The following MMP15 variants were observed in gnomAD, a reference collection of about 807,000 sequenced individuals.
MMP15 encodes the protein matrix metalloproteinase-15.
Under a neutral mutation model 65.0 loss-of-function variants are expected in MMP15, and 36 were observed. The ratio of observed to expected loss-of-function variants is 0.55; its 90% CI spans 0.42 to 0.73. The LOEUF (loss-of-function observed/expected upper bound fraction) is 0.73. Ranked by LOEUF, MMP15 falls within the 30% of genes least tolerant of loss-of-function variation. The pLI is 0.00. For missense variants in MMP15, 870 were observed against 987.8 expected (o/e 0.88, Z 1.60); for synonymous variants, 428 against 410.2 (o/e 1.04, Z -0.52).
At chr16:58,037,367 A>T (rs1959351287) in intron 1 of MMP15, 105 bp from the exon 2 acceptor site, 1 of 1,438,598 alleles carries the variant, frequency 7.0e-7, no homozygotes, top group Non-Finnish European at 9.5e-7. Context: ...GACGGCTCAG[A>T]TAGAGCAGCG....
chr16:58,037,402 C>G, intron 1 of MMP15, 70 bp from the exon 2 acceptor site: 10 of 1,562,328 alleles, frequency 6.4e-6, no homozygotes, highest in South Asian at 4.8e-5. Flanking sequence ...GGGAAGTGGT[C>G]GGCACAGGCT....
intron 7 of MMP15, among the ~76,000 whole-genome samples, chr16:58,042,601 G>A (rs1959479225): frequency 6.6e-6 from 1 of 152,216 alleles, no homozygotes; most frequent in Non-Finnish European, 1.5e-5. Flanking sequence ...ACCTTGTGCA[G>A]CACAGGGCTC....
At chr16:58,044,915 GT>G in intron 9 of MMP15, 91 bp from the exon 10 acceptor site, 1 of 1,397,282 alleles carries the variant, frequency 7.2e-7, no homozygotes, top group South Asian at 1.2e-5. Flanking sequence ...GAAGAAGGGT[GT>G]TTTGAAGCCC....
chr16:58,030,440 T>C (rs41407944), intron 1 of MMP15, among the ~76,000 whole-genome samples: 264 of 152,314 alleles, frequency 1.7e-3, no homozygotes, highest in Non-Finnish European at 2.8e-3. Flanking sequence ...GGGATGCCTC[T>C]TCCCTAATCC....
chr16:58,039,725 A>C (rs1959408495), intron 3 of MMP15, 150 bp from the exon 4 acceptor site: 2 of 729,048 alleles, frequency 2.7e-6, no homozygotes, highest in East Asian at 5.5e-5. Context: ...TGGATTTGAC[A>C]AATTCAAATT....
chr16:58,035,496 CTG>C (rs1167657725), intron 1 of MMP15, among the ~76,000 whole-genome samples: 1 of 152,256 alleles, frequency 6.6e-6, no homozygotes, highest in Non-Finnish European at 1.5e-5. Flanking sequence ...CCTCTGGTCT[CTG>C]TCATTTGCAC....
At chr16:58,038,757 G>T (rs1959387146) in intron 3 of MMP15, among the ~76,000 whole-genome samples, 1 of 152,158 alleles carries the variant, frequency 6.6e-6, no homozygotes, top group Non-Finnish European at 1.5e-5. Flanking sequence ...TGGATCAGGG[G>T]CCCTCATCCT....
chr16:58,041,162 G>A (rs1027564406), intron 5 of MMP15, among the ~76,000 whole-genome samples: 25 of 152,188 alleles, frequency 1.6e-4, no homozygotes, highest in African/African-American at 5.8e-4. Flanking sequence ...CCAGCAGTGA[G>A]GTCCCCTGGG....
At position 58,041,635 on chromosome 16, in the gene MMP15, C is replaced by A; in HGVS notation, c.929C>A (p.Pro310Gln). 1 of 1,575,066 alleles carries A rather than the reference C, an allele frequency of 6.3e-7. No individual in the cohort carries two copies. The highest frequency in any genetic ancestry group is 8.6e-7 in the Non-Finnish European group (1 of 1,161,718). ...TCTGCAGGTACCCCAGACGGTCAGC[C>A]ACAGCCTACCCAGCCTCTCCCCACT... ...QQLYGTPDGQ[P>Q]QPTQPLPTVT... The change falls in exon 6 of 10, where the codon CCA becomes CAA. Residue 310 changes from proline (P) to glutamine (Q), a missense_variant. Coordinates refer to ENST00000219271, the MANE Select transcript of MMP15 (RefSeq NM_002428.4).
At chr16:58,035,841 T>C (rs1297173065) in intron 1 of MMP15, among the ~76,000 whole-genome samples, 1 of 152,126 alleles carries the variant, frequency 6.6e-6, no homozygotes, top group East Asian at 1.9e-4. Context: ...TGCCCCTCCT[T>C]GGGTCAGCAG....
chr16:58,037,440 G>A, intron 1 of MMP15, 32 bp from the exon 2 acceptor site: 4 of 1,609,018 alleles, frequency 2.5e-6, no homozygotes, highest in Admixed American at 1.7e-5. Flanking sequence ...GCAGTGCCAG[G>A]ACCTGCTGAC....
intron 5 of MMP15, 72 bp from the exon 6 acceptor site, chr16:58,041,545 G>GC: frequency 6.6e-7 from 1 of 1,526,578 alleles, no homozygotes; most frequent in Admixed American, 2.0e-5. Context: ...GTGGGCCTGT[G>GC]CTGGGGGCCC....
At chr16:58,038,643 G>A (rs1959384932) in intron 3 of MMP15, among the ~76,000 whole-genome samples, 1 of 152,196 alleles carries the variant, frequency 6.6e-6, no homozygotes, top group Non-Finnish European at 1.5e-5. Context: ...GCACAGCTGG[G>A]CTACTGCCCC....
intron 1 of MMP15, among the ~76,000 whole-genome samples, chr16:58,029,012 C>T (rs558017026): frequency 1.3e-5 from 2 of 152,350 alleles, no homozygotes; most frequent in African/African-American, 2.4e-5. Context: ...CCTGCCTCCC[C>T]CTACCCCCTC....
intron 1 of MMP15, among the ~76,000 whole-genome samples, chr16:58,037,260 C>G (rs1597064192): frequency 6.6e-6 from 1 of 152,296 alleles, no homozygotes; most frequent in East Asian, 1.9e-4. Context: ...AGAGGATTGA[C>G]CAGACCTGAC....
In MMP15 at chr16:58,043,310, G is replaced by A. The variant is rs756880631; in HGVS notation, c.1404G>A (p.Thr468=). Reference sequence around the variant, plus strand: ...GCATCCCCTATGACCGCATTGACACGGCCATCTGGTGGGAGCCCACAGGCC... The same window carrying A: ...GCATCCCCTATGACCGCATTGACACAGCCATCTGGTGGGAGCCCACAGGCC... The part of the protein sequence containing the change: ...GLGIPYDRID[T]AIWWEPTGHT... The change falls in exon 8 of 10, where the codon ACG becomes ACA. Residue 468 remains threonine, a synonymous_variant. Transcript: ENST00000219271. 3.7e-5 allele frequency: 60 copies of A among 1,605,510 alleles called. No individual in the cohort carries two copies. The Admixed American group carries it at 7.3e-4, about 19-fold the overall frequency.
chr16:58,039,261 C>A (rs578009312), intron 3 of MMP15, among the ~76,000 whole-genome samples: 1 of 152,186 alleles, frequency 6.6e-6, no homozygotes, highest in Non-Finnish European at 1.5e-5. Flanking sequence ...GGAAAAACCC[C>A]GTCTCTACTA....
intron 1 of MMP15, among the ~76,000 whole-genome samples, chr16:58,028,126 AG>A (rs1274265756): frequency 6.6e-6 from 1 of 152,216 alleles, no homozygotes; most frequent in African/African-American, 2.4e-5. Flanking sequence ...CCAGGAGCTC[AG>A]GGGTGCAGGG....
chr16:58,044,816 G>A (rs1123209), intron 9 of MMP15, among the ~76,000 whole-genome samples, 191 bp from the exon 10 acceptor site: 16,091 of 152,194 alleles, frequency 0.11, 2,845 homozygotes, highest in African/African-American at 0.37. Context: ...GGTTCTAGTC[G>A]TACCCTTAGC....
Sources: gnomAD v4.1 joint callset for allele counts (sites outside exome capture counted in the v4.1 genomes callset) on GRCh38, gnomAD v4.1.1 for gene constraint, MANE v1.5 for transcripts, NCBI Gene and HGNC (gene_info 2026-07-23, HGNC 2026-07-21) for gene names.